FNBP1: variants seen among roughly 807,000 people sequenced by gnomAD.
FNBP1 encodes formin-binding protein 1.
FNBP1 carries 26 observed loss-of-function variants against 90.6 expected under a neutral mutation model. The ratio of observed to expected loss-of-function variants is 0.29; its 90% CI spans 0.21 to 0.40. FNBP1 has a LOEUF of 0.40. Among genes scored for constraint, FNBP1 ranks in the 10% least tolerant of loss-of-function variants. The pLI, the probability that FNBP1 is intolerant of heterozygous loss-of-function variation, is 1.00. For missense variants in FNBP1, 635 were observed against 768.0 expected (o/e 0.83, Z 2.05); for synonymous variants, 260 against 265.2 (o/e 0.98, Z 0.19).
At position 129,888,812 on chromosome 9, in the gene FNBP1, AGAC is replaced by A. The variant is rs1310230611; in HGVS notation, c.*1724_*1726del. ...GCAATTTCCTGGTTTCCACAAGTAA[AGAC>A]AGCCCCATCCCTTGGGACCTGTCCT... On this transcript the variant is annotated 3_prime_UTR_variant, in exon 17 of 17. Coordinates refer to ENST00000446176, the MANE Select transcript of FNBP1 (RefSeq NM_015033.3). 4.3e-6 allele frequency: 1 copy of A among 232,810 alleles called. No homozygotes were observed. The highest frequency in any genetic ancestry group is 6.0e-5 in the East Asian group (1 of 16,550). 14.4% of individuals were successfully genotyped at this position (232,810 alleles called of 1,614,324 possible).
At chr9:130,010,235 CA>C (rs1226137948) in intron 1 of FNBP1, among the ~76,000 whole-genome samples, 2 of 152,162 alleles carry the variant, frequency 1.3e-5, no homozygotes, top group African/African-American at 2.4e-5. Context: ...TCTTGGCTGA[CA>C]ATCTAGCAGC....
At chr9:129,964,577 GA>G in intron 4 of FNBP1, among the ~76,000 whole-genome samples, 1 of 149,444 alleles carries the variant, frequency 6.7e-6, no homozygotes, top group South Asian at 2.2e-4. Flanking sequence ...ATTTCCCAGT[GA>G]ACAGAGGTGG....
At chr9:129,897,745 A>G (rs886691380) in intron 15 of FNBP1, among the ~76,000 whole-genome samples, 8 of 151,442 alleles carry the variant, frequency 5.3e-5, no homozygotes, top group Admixed American at 2.0e-4. Context: ...GCCTGGCCTG[A>G]GAGCTTCTTT....
upstream of FNBP1, among the ~76,000 whole-genome samples, chr9:130,047,549 G>A (rs533099474): frequency 6.6e-6 from 1 of 152,274 alleles, no homozygotes; most frequent in African/African-American, 2.4e-5. Flanking sequence ...GGAGGTGGAG[G>A]TTGTGGTGAT....
chr9:129,968,146 G>A (rs554679738), intron 4 of FNBP1, among the ~76,000 whole-genome samples: 1 of 152,250 alleles, frequency 6.6e-6, no homozygotes, highest in East Asian at 1.9e-4. Flanking sequence ...TGTAATCCCA[G>A]CACTTTGGGA....
intron 4 of FNBP1, among the ~76,000 whole-genome samples, chr9:129,959,682 T>G (rs1004598534): frequency 6.6e-6 from 1 of 152,208 alleles, no homozygotes; most frequent in African/African-American, 2.4e-5. Flanking sequence ...TTCATCTTTT[T>G]TAACTGCTTT....
intron 2 of FNBP1, among the ~76,000 whole-genome samples, chr9:129,991,419 C>T (rs143982216): frequency 0.024 from 3,663 of 151,760 alleles, 153 homozygotes; most frequent in African/African-American, 0.083. Context: ...TACAGGTGTG[C>T]GCCACCATGC....
At chr9:129,922,714 C>T (rs910635161) in intron 10 of FNBP1, among the ~76,000 whole-genome samples, 1 of 152,104 alleles carries the variant, frequency 6.6e-6, no homozygotes, top group African/African-American at 2.4e-5. Flanking sequence ...ACTAAAATAG[C>T]GAATGAAACC....
intron 4 of FNBP1, among the ~76,000 whole-genome samples, chr9:129,961,687 T>A (rs1191814801): frequency 6.6e-6 from 1 of 151,968 alleles, no homozygotes; most frequent in Non-Finnish European, 1.5e-5. Flanking sequence ...CGGGTTCAAG[T>A]GATTCTCCTG....
chr9:129,890,639 AC>A lies in FNBP1; in HGVS notation c.1847-94del. 4 of 555,382 alleles carry A rather than the reference AC, an allele frequency of 7.2e-6. No homozygotes were observed. The highest frequency in any genetic ancestry group is 1.3e-5 in the Non-Finnish European group (4 of 315,758). 34.4% of individuals were successfully genotyped at this position (555,382 alleles called of 1,614,324 possible). On this transcript the variant is annotated intron_variant, in intron 16 of 16. Coordinates refer to ENST00000446176, the MANE Select transcript of FNBP1 (RefSeq NM_015033.3). This position sits in a 1 kb window ranked among gnomAD's most constrained non-coding sequence, Gnocchi z 5.8. ...CATTTTGCTCTTGGCTACAAACTGC[AC>A]CGCCCTGGGAGGGGAGGGTAGTGGG...
At chr9:129,944,780 A>G (rs1564397338) in intron 6 of FNBP1, among the ~76,000 whole-genome samples, 1 of 152,196 alleles carries the variant, frequency 6.6e-6, no homozygotes, top group Non-Finnish European at 1.5e-5. Flanking sequence ...AAGTTGCCAC[A>G]TGTCATGCCA....
chr9:129,950,415 A>C (rs80303889), intron 6 of FNBP1, among the ~76,000 whole-genome samples: 5,197 of 152,318 alleles, frequency 0.034, 160 homozygotes, highest in African/African-American at 0.078. Flanking sequence ...ATCTTTGGAA[A>C]TATTCAAATA....
the FNBP1 span, chr9:130,053,867 G>A: frequency 2.0e-6 from 3 of 1,494,482 alleles, no homozygotes; most frequent in South Asian, 1.2e-5. Flanking sequence ...GGGCCCTTCC[G>A]GCGGCTGCGC....
At chr9:129,905,615 A>G (rs541377364) in intron 12 of FNBP1, among the ~76,000 whole-genome samples, 1 of 151,622 alleles carries the variant, frequency 6.6e-6, no homozygotes, top group South Asian at 2.1e-4. Flanking sequence ...AGCCGCTTCT[A>G]TTTCCTTTGG....
chr9:130,011,243 A>ATATATAT (rs57138134), intron 1 of FNBP1, among the ~76,000 whole-genome samples: 1 of 42,248 alleles, frequency 2.4e-5, no homozygotes, highest in Non-Finnish European at 4.2e-5. Flanking sequence ...AAAAAAAAAA[A>ATATATAT]ATATATATAT....
rs1402173247 is a variant in FNBP1, at chr9:129,890,585, T to TA, written c.1847-40dup. On this transcript the variant is annotated intron_variant, in intron 16 of 16. Coordinates refer to ENST00000446176, the MANE Select transcript of FNBP1 (RefSeq NM_015033.3). The surrounding 1 kb of genome is among the most constrained non-coding windows in gnomAD (Gnocchi z 5.8). ...AGAAACAGAAAGAGAAACTCTCTGTTAGAGAGGAAGGCGCGGGTTCCAGGC... is the reference window on the plus strand; with the variant it reads ...AGAAACAGAAAGAGAAACTCTCTGTTAAGAGAGGAAGGCGCGGGTTCCAGGC... The TA allele has an allele frequency of 6.4e-7, 1 of 1,559,866 alleles. No individual in the cohort carries two copies. Among genetic ancestry groups the TA allele is most frequent in the South Asian group, 1.2e-5 (1 of 84,722 alleles).
chr9:129,895,442 C>CA lies in FNBP1; in HGVS notation c.1846+395dup, dbSNP rs937526532. On this transcript the variant is annotated intron_variant, in intron 16 of 16. Transcript: ENST00000446176. ...GTGTATGGTGGATACTAGATATAAA[C>CA]AAGAGTAGGGAAGTCTTTGGCACCT... 9.0e-6 allele frequency: 10 copies of CA among 1,115,244 alleles called. No homozygotes were observed. In the African/African-American group the frequency reaches 1.6e-4, roughly 18 times the overall value. 69.1% of individuals were successfully genotyped at this position (1,115,244 alleles called of 1,614,324 possible).
At chr9:129,929,430 A>ATT in intron 7 of FNBP1, 137 bp downstream of exon 7, 1 of 824,338 alleles carries the variant, frequency 1.2e-6, no homozygotes, top group South Asian at 2.0e-5. Context: ...AAAAAAAAAA[A>ATT]AAAAATTAGT....
chr9:129,928,295 T>C (rs187575530), intron 7 of FNBP1, among the ~76,000 whole-genome samples: 1 of 152,230 alleles, frequency 6.6e-6, no homozygotes, highest in Non-Finnish European at 1.5e-5. Context: ...TTGACTTCTA[T>C]AGTTAAGTTG....
Sources: gnomAD v4.1 joint callset for allele counts (sites outside exome capture counted in the v4.1 genomes callset) on GRCh38, gnomAD v4.1.1 for gene constraint, Gnocchi (gnomAD v3.1) non-coding constraint, MANE v1.5 for transcripts, NCBI Gene and HGNC (gene_info 2026-07-23, HGNC 2026-07-21) for gene names.